The following ARHGAP10 variants were observed in gnomAD, a reference collection of about 807,000 sequenced individuals.
The protein encoded by ARHGAP10 is rho GTPase-activating protein 10.
In ARHGAP10, 87 loss-of-function variants were observed where a neutral mutation model predicts 108.6. The ratio of observed to expected loss-of-function variants is 0.80; its 90% CI spans 0.67 to 0.96. The LOEUF is 0.96. Among genes scored for constraint, ARHGAP10 ranks in the 40% least tolerant of loss-of-function variants. ARHGAP10 has a pLI of 0.00. For missense variants in ARHGAP10, 939 were observed against 954.5 expected, an observed-to-expected ratio of 0.98 and a Z score of 0.21; for synonymous variants, 347 against 341.1, an observed-to-expected ratio of 1.02 and a Z score of -0.19.
intron 1 of ARHGAP10, among the ~76,000 whole-genome samples, chr4:147,768,797 G>C (rs1055473753): frequency 1.0e-4 from 15 of 150,284 alleles, no homozygotes; most frequent in African/African-American, 3.7e-4. Flanking sequence ...GGAGTGCAGT[G>C]GTGCCATCTC....
intron 4 of ARHGAP10, among the ~76,000 whole-genome samples, chr4:147,857,006 C>T (rs1165073812): frequency 1.3e-5 from 2 of 152,116 alleles, no homozygotes; most frequent in African/African-American, 4.8e-5. Context: ...GTGTGTGCCA[C>T]CACACCCTGC....
At chr4:148,036,614 C>A (rs1166958530) in intron 19 of ARHGAP10, among the ~76,000 whole-genome samples, 1 of 152,192 alleles carries the variant, frequency 6.6e-6, no homozygotes, top group Non-Finnish European at 1.5e-5. Context: ...TGAGGCCTTC[C>A]AGCCATACTG....
At chr4:147,904,920 C>T (rs1368104036) in intron 10 of ARHGAP10, among the ~76,000 whole-genome samples, 1 of 152,114 alleles carries the variant, frequency 6.6e-6, no homozygotes, top group East Asian at 1.9e-4. Context: ...TAATGATCGC[C>T]ATTCTAACTG....
rs538005523 is a variant in ARHGAP10, at chr4:147,939,621, T to G, written c.1229-204T>G. Among the ~76,000 whole-genome samples, 5 of 152,340 alleles carry G rather than the reference T, an allele frequency of 3.3e-5. No individual in the cohort carries two copies. The South Asian group carries it at 1.0e-3, about 32-fold the overall frequency. The stretch of plus-strand genomic sequence containing the variant: ...ATTTTTGTCCACATGGAACATTGTT[T>G]GCTGAGATTATTTTTTTAACCACAA... On this transcript the variant is annotated intron_variant, in intron 13 of 22. Transcript: ENST00000336498.
intron 1 of ARHGAP10, among the ~76,000 whole-genome samples, chr4:147,779,893 T>A (rs1348003805): frequency 2.0e-5 from 3 of 152,182 alleles, no homozygotes; most frequent in African/African-American, 7.2e-5. Flanking sequence ...AAAAATGCAC[T>A]AAGCCATTTC....
chr4:147,851,671 A>T (rs935598950), intron 4 of ARHGAP10, among the ~76,000 whole-genome samples: 1 of 152,242 alleles, frequency 6.6e-6, no homozygotes, highest in Non-Finnish European at 1.5e-5. Context: ...TTCATTCAGT[A>T]ATAAAACACA....
chr4:147,983,342 C>T (rs1468487228), intron 18 of ARHGAP10, among the ~76,000 whole-genome samples: 2 of 151,832 alleles, frequency 1.3e-5, no homozygotes, highest in Admixed American at 6.6e-5. Context: ...CCCGCCACCA[C>T]GCCCAGCTAA....
chr4:147,803,864 T>C (rs1731675075), intron 1 of ARHGAP10, among the ~76,000 whole-genome samples: 1 of 152,222 alleles, frequency 6.6e-6, no homozygotes, highest in East Asian at 1.9e-4. Flanking sequence ...TAATTCTATG[T>C]TTTGGCTGTT....
At chr4:147,924,611 G>A (rs1737383661) in intron 13 of ARHGAP10, among the ~76,000 whole-genome samples, 1 of 152,202 alleles carries the variant, frequency 6.6e-6, no homozygotes, top group Non-Finnish European at 1.5e-5. Context: ...GAGTAGGCAT[G>A]CTAGGCTTTG....
intron 18 of ARHGAP10, among the ~76,000 whole-genome samples, chr4:147,996,356 C>T (rs370346836): frequency 3.3e-5 from 5 of 151,998 alleles, no homozygotes; most frequent in African/African-American, 1.2e-4. Flanking sequence ...AAAGATGAAC[C>T]CTGAGATAGA....
intron 7 of ARHGAP10, among the ~76,000 whole-genome samples, chr4:147,868,162 A>G (rs1264773769): frequency 2.0e-5 from 3 of 152,092 alleles, no homozygotes; most frequent in Non-Finnish European, 2.9e-5. Flanking sequence ...CAAAATGGGT[A>G]TGTGTGGATT....
intron 1 of ARHGAP10, among the ~76,000 whole-genome samples, chr4:147,791,538 G>A (rs1309568503): frequency 2.0e-5 from 3 of 151,936 alleles, no homozygotes; most frequent in Non-Finnish European, 2.9e-5. Context: ...GTGTGTGCGC[G>A]CGCGTGCGTG....
intron 13 of ARHGAP10, among the ~76,000 whole-genome samples, chr4:147,920,789 GA>G (rs1737204686): frequency 6.6e-6 from 1 of 152,208 alleles, no homozygotes; most frequent in Non-Finnish European, 1.5e-5. Context: ...GTTAATTGAG[GA>G]CTGTCTTTAG....
chr4:147,922,014 C>G (rs1737250848), intron 13 of ARHGAP10, among the ~76,000 whole-genome samples: 1 of 152,084 alleles, frequency 6.6e-6, no homozygotes, highest in South Asian at 2.1e-4. Context: ...GGCCTTCTCC[C>G]CTGCCCCTCC....
chr4:147,745,918 C>T (rs1235389769), intron 1 of ARHGAP10, among the ~76,000 whole-genome samples: 1 of 151,482 alleles, frequency 6.6e-6, no homozygotes, highest in Admixed American at 6.6e-5. Flanking sequence ...TCCTGAGTAG[C>T]TGGGATTACC....
Position 148,010,410 on chromosome 4 carries a change from A to C in ARHGAP10, c.1717-12853A>C, listed in dbSNP as rs138076163. ...AACCATTGGTTTTTTCATCTATATCATTAGAATAAAACTATCAACCTTGTA... is the reference window on the plus strand; with the variant it reads ...AACCATTGGTTTTTTCATCTATATCCTTAGAATAAAACTATCAACCTTGTA... On this transcript the variant is annotated intron_variant, in intron 18 of 22. Transcript: ENST00000336498. Among the ~76,000 whole-genome samples, 95 of 152,298 alleles carry C rather than the reference A, an allele frequency of 6.2e-4. No individual in the cohort carries two copies. In the East Asian group the frequency reaches 0.018, roughly 28 times the overall value.
chr4:147,791,112 C>CTTT (rs368304720), intron 1 of ARHGAP10, among the ~76,000 whole-genome samples: 8 of 134,258 alleles, frequency 6.0e-5, no homozygotes, highest in African/African-American at 2.2e-4. Flanking sequence ...ATATTCTTTA[C>CTTT]TTTTTTTTTT....
At chr4:147,928,615 A>G (rs1461939557) in intron 13 of ARHGAP10, among the ~76,000 whole-genome samples, 2 of 152,248 alleles carry the variant, frequency 1.3e-5, no homozygotes, top group African/African-American at 4.8e-5. Flanking sequence ...CTGCTGTTCA[A>G]ATAATTATCA....
chr4:148,055,462 G>A (rs544116816), intron 20 of ARHGAP10, among the ~76,000 whole-genome samples: 1 of 152,320 alleles, frequency 6.6e-6, no homozygotes, highest in East Asian at 1.9e-4. Context: ...ACTGAGGCAG[G>A]CAGATCACTT....
Sources: allele counts gnomAD v4.1 joint callset (sites outside exome capture counted in the v4.1 genomes callset), GRCh38; gene constraint gnomAD v4.1.1; transcripts MANE v1.5; gene names NCBI Gene and HGNC (gene_info 2026-07-23, HGNC 2026-07-21).